The following TUSC3 variants were observed in gnomAD, a reference collection of about 807,000 sequenced individuals.
The protein encoded by TUSC3 is tumor suppressor candidate 3.
A neutral mutation model predicts 44.8 loss-of-function variants in TUSC3; 45 were observed. That is an observed-to-expected ratio of 1.00 (90% CI 0.79 to 1.29). The LOEUF is 1.29. Among genes scored for constraint, TUSC3 ranks in the 50% most tolerant of loss-of-function variants. The pLI is 0.00. For missense variants in TUSC3, 519 were observed against 437.9 expected (o/e 1.19, Z -1.65); for synonymous variants, 212 against 152.9 (o/e 1.39, Z -2.85).
intron 2 of TUSC3, among the ~76,000 whole-genome samples, chr8:15,637,825 C>T (rs1806161316): frequency 6.6e-6 from 1 of 152,100 alleles, no homozygotes; most frequent in South Asian, 2.1e-4. Context: ...CCGCTCACTT[C>T]TTCCTCCCTC....
intron 6 of TUSC3, among the ~76,000 whole-genome samples, chr8:15,683,427 T>G (rs1394521234): frequency 6.6e-6 from 1 of 152,130 alleles, no homozygotes; most frequent in Non-Finnish European, 1.5e-5. Flanking sequence ...CTGCTTGATC[T>G]AGTCTATTGT....
chr8:15,741,037 G>C (rs1042851918), intron 7 of TUSC3, among the ~76,000 whole-genome samples: 5 of 152,148 alleles, frequency 3.3e-5, no homozygotes, highest in Non-Finnish European at 2.9e-5. Context: ...TAGTAAAAAT[G>C]ATATGAAGAT....
rs1477205 is a variant in TUSC3, at chr8:15,704,804, G to A, written c.799-25862G>A. On this transcript the variant is annotated intron_variant, in intron 6 of 10. Transcript: ENST00000503731. ...ATTGACCCTGACGAGTTTTGGAATA[G>A]GAAGGATCGTTACTTCTTACGTTTG... Among the ~76,000 whole-genome samples, 505 of 152,072 alleles carry A rather than the reference G, an allele frequency of 3.3e-3. 8 individuals are homozygous for A. The East Asian group carries it at 0.034, about 10-fold the overall frequency.
At chr8:15,707,660 A>G (rs951274113) in intron 6 of TUSC3, among the ~76,000 whole-genome samples, 5 of 151,960 alleles carry the variant, frequency 3.3e-5, no homozygotes, top group Non-Finnish European at 7.4e-5. Flanking sequence ...ATGACTCTAT[A>G]GGAGATGTGG....
At chr8:15,639,529 CTT>C (rs1370854569) in intron 2 of TUSC3, among the ~76,000 whole-genome samples, 1 of 152,090 alleles carries the variant, frequency 6.6e-6, no homozygotes, top group East Asian at 1.9e-4. Flanking sequence ...GAAAAAATGA[CTT>C]TTAAAACTCT....
chr8:15,835,041 A>G, the TUSC3 span, among the ~76,000 whole-genome samples: 1 of 152,302 alleles, frequency 6.6e-6, no homozygotes, highest in Non-Finnish European at 1.5e-5. Context: ...TGTCTCATTT[A>G]CAACATTGTT....
chr8:15,418,169 T>G (rs547904921), intron 1 of TUSC3, among the ~76,000 whole-genome samples: 2 of 152,202 alleles, frequency 1.3e-5, no homozygotes, highest in African/African-American at 4.8e-5. Context: ...ACCTACTATG[T>G]AATTCATCAT....
chr8:15,843,721 A>G, the TUSC3 span, among the ~76,000 whole-genome samples: 151,586 of 151,672 alleles, frequency 1, 75,750 homozygotes, highest in Middle Eastern at 1. Flanking sequence ...ATGTATATGT[A>G]TGTGTGTGTT....
At chr8:15,500,220 C>A (rs968751966) in intron 2 of TUSC3, among the ~76,000 whole-genome samples, 5 of 152,104 alleles carry the variant, frequency 3.3e-5, no homozygotes, top group African/African-American at 1.2e-4. Context: ...GGCTGAAAGT[C>A]TCTGTATGTC....
chr8:15,466,134 A>G (rs990901031), intron 1 of TUSC3, among the ~76,000 whole-genome samples: 3 of 152,174 alleles, frequency 2.0e-5, no homozygotes, highest in Non-Finnish European at 4.4e-5. Context: ...ACAAACTGTA[A>G]TGACCTCACT....
At chr8:15,849,450 T>G in the TUSC3 span, among the ~76,000 whole-genome samples, 64 of 152,266 alleles carry the variant, frequency 4.2e-4, no homozygotes, top group Non-Finnish European at 7.2e-4. Context: ...AGTTTCCACA[T>G]GGTGAAACTG....
At position 15,764,710 on chromosome 8, in the gene TUSC3, G is replaced by C. The variant is rs547103440; in HGVS notation, c.*554G>C. On this transcript the variant is annotated 3_prime_UTR_variant, in exon 11 of 11. Transcript: ENST00000503731. ...AATTATAACTAGATAAAGGTATATA[G>C]GACAGGGAACTGGATGAATGGTACC... 1 of 155,838 alleles carries C rather than the reference G, an allele frequency of 6.4e-6. No homozygotes were observed. The highest frequency in any genetic ancestry group is 6.3e-5 in the Admixed American group (1 of 15,846). The allele number at this position is 155,838 out of a possible 1,614,324, so 9.7% of individuals were successfully genotyped here. A position where few individuals can be genotyped will look rare whatever the true frequency, so the allele number is the denominator to read the frequency against.
rs113143143 is a variant in TUSC3 at position 15,744,413 on chromosome 8, G to A, written c.937+801G>A. Among the ~76,000 whole-genome samples the A allele has an allele frequency of 7.6e-4, 116 of 152,208 alleles. 1 individual carries two copies. Among genetic ancestry groups the A allele is most frequent in the African/African-American group, 2.8e-3 (115 of 41,538 alleles). On this transcript the variant is annotated intron_variant, in intron 8 of 10. Transcript: ENST00000503731. ...ATCAAGTCCCTATATGATTTGATATGTCCACAGACCTGTTATTTTTTTCTT... is the reference window on the plus strand; with the variant it reads ...ATCAAGTCCCTATATGATTTGATATATCCACAGACCTGTTATTTTTTTCTT...
At chr8:15,527,589 G>C (rs1298795744) in intron 2 of TUSC3, among the ~76,000 whole-genome samples, 1 of 151,930 alleles carries the variant, frequency 6.6e-6, no homozygotes. Context: ...ATTTTTTTGA[G>C]AGCTATGGTC....
At chr8:15,504,933 A>G (rs1453160645) in intron 2 of TUSC3, among the ~76,000 whole-genome samples, 4 of 151,650 alleles carry the variant, frequency 2.6e-5, no homozygotes, top group Non-Finnish European at 2.9e-5. Context: ...ATTACAGGCA[A>G]TTTTGCGTCT....
At chr8:15,805,825 T>C in the TUSC3 span, among the ~76,000 whole-genome samples, 1 of 152,154 alleles carries the variant, frequency 6.6e-6, no homozygotes, top group Non-Finnish European at 1.5e-5. Context: ...GCTGGCTTGA[T>C]AGAATGAGTT....
Position 15,488,852 on chromosome 8 carries a change from C to T in TUSC3, n.189+5369C>T, listed in dbSNP as rs534430768. Among the ~76,000 whole-genome samples, 6 of 152,282 alleles carry T rather than the reference C, an allele frequency of 3.9e-5. No individual in the cohort carries two copies. In the East Asian group the frequency reaches 9.7e-4, roughly 25 times the overall value. ...GAGAAATAAATGTTAGTTGCATAAG[C>T]CACTCAGTCTATAGTATTTGTTATA... On this transcript the variant is annotated intron_variant and non_coding_transcript_variant, in intron 2 of 5. Coordinates refer to the TUSC3 transcript ENST00000503191.
chr8:15,790,693 G>T, the TUSC3 span, among the ~76,000 whole-genome samples: 1 of 152,162 alleles, frequency 6.6e-6, no homozygotes, highest in African/African-American at 2.4e-5. Flanking sequence ...AATGTTTAGT[G>T]ATAGTTGAAG....
At chr8:15,737,531 C>T (rs1392027650) in intron 7 of TUSC3, among the ~76,000 whole-genome samples, 1 of 151,936 alleles carries the variant, frequency 6.6e-6, no homozygotes, top group Non-Finnish European at 1.5e-5. Flanking sequence ...GGAGTGTGCA[C>T]AGTAGTTTAA....
Sources: allele counts gnomAD v4.1 joint callset (sites outside exome capture counted in the v4.1 genomes callset), GRCh38; gene constraint gnomAD v4.1.1; transcripts MANE v1.5; gene names NCBI Gene and HGNC (gene_info 2026-07-23, HGNC 2026-07-21).